The following CD36 variants were observed in gnomAD, a reference collection of about 807,000 sequenced individuals.
CD36 encodes the protein platelet glycoprotein 4.
CD36 carries 119 observed loss-of-function variants against 55.2 expected under a neutral mutation model. The ratio of observed to expected loss-of-function variants is 2.15; its 90% CI spans 1.86 to 2.51. The LOEUF is 2.51. CD36 is among the 30% of genes most tolerant of loss of function. The pLI, the probability that CD36 is intolerant of heterozygous loss-of-function variation, is 0.00. For synonymous variants in CD36, 186 were observed against 193.6 expected (o/e 0.96, Z 0.33); for missense variants, 819 against 555.5 (o/e 1.47, Z -4.77).
In CD36 at chr7:80,679,261, T is replaced by C. The variant is rs1010364955; in HGVS notation, c.*2878T>C. ...AAATATTTGTGAAAATAAAAACTTT[T>C]GTTATTAGAAAAATGATTTTGCTTA... On this transcript the variant is annotated 3_prime_UTR_variant, in exon 15 of 15. Coordinates refer to ENST00000447544, the MANE Select transcript of CD36 (RefSeq NM_001001548.3). 6.6e-6 allele frequency: 1 copy of C among 152,188 alleles called. No individual in the cohort carries two copies. The highest frequency in any genetic ancestry group is 1.5e-5 in the Non-Finnish European group (1 of 68,026). 9.4% of individuals were successfully genotyped at this position (152,188 alleles called of 1,614,324 possible).
rs67213422 is a variant in CD36, at chr7:80,604,350, A to ATTTTTTTTTTTTTT, written c.-184+1998_-184+2011dup. 1.5e-3 allele frequency among the ~76,000 whole-genome samples: 82 copies of ATTTTTTTTTTTTTT among 54,282 alleles called. 13 individuals are homozygous for ATTTTTTTTTTTTTT. The highest frequency in any genetic ancestry group is 1.7e-3 in the Non-Finnish European group (42 of 24,052). The allele number at this position is 54,282 out of a possible 152,430, so 35.6% of individuals were successfully genotyped here. On this transcript the variant is annotated intron_variant, in intron 1 of 13. Coordinates refer to the CD36 transcript ENST00000309881. The stretch of plus-strand genomic sequence containing the variant: ...TACAGTAATTGGCTAAGCCACTGGA[A>ATTTTTTTTTTTTTT]TTTTTTTTTTTTTTTTTTTTTTTTT...
At chr7:80,634,085 T>C (rs1264051686), upstream of CD36, among the ~76,000 whole-genome samples, 6 of 152,050 alleles carry the variant, frequency 3.9e-5, no homozygotes, top group African/African-American at 7.2e-5. Context: ...GAAAAGAGTA[T>C]AGGCCCTTCA....
chr7:80,668,283 A>G (rs535021499), intron 8 of CD36, among the ~76,000 whole-genome samples: 1 of 152,318 alleles, frequency 6.6e-6, no homozygotes, highest in African/African-American at 2.4e-5. Flanking sequence ...ATGCATGAGC[A>G]TCAGGCATGA....
At chr7:80,658,684 C>G (rs1170126489) in intron 4 of CD36, among the ~76,000 whole-genome samples, 2 of 152,022 alleles carry the variant, frequency 1.3e-5, no homozygotes, top group African/African-American at 4.8e-5. Flanking sequence ...GTTTTGTAGA[C>G]AAGGTTTCGC....
intron 5 of CD36, chr7:80,662,647 A>G: frequency 3.0e-6 from 1 of 331,294 alleles, no homozygotes; most frequent in Non-Finnish European, 5.9e-6. Flanking sequence ...ACATAGGTAT[A>G]CATGTGCCAT....
intron 1 of CD36, among the ~76,000 whole-genome samples, chr7:80,610,550 AAT>A (rs993383921): frequency 2.5e-4 from 37 of 148,870 alleles, no homozygotes; most frequent in African/African-American, 9.5e-4. Flanking sequence ...CAGTTATTTT[AAT>A]TTTATTTATT....
chr7:80,623,930 G>C (rs1030500888), intron 1 of CD36: 4 of 152,288 alleles, frequency 2.6e-5, no homozygotes, highest in Non-Finnish European at 4.4e-5. Context: ...TCATTTTTAA[G>C]CTGGAGAGGT....
At chr7:80,627,818 A>C (rs542907119) in intron 1 of CD36, among the ~76,000 whole-genome samples, 19 of 152,218 alleles carry the variant, frequency 1.2e-4, no homozygotes, top group Non-Finnish European at 2.6e-4. Context: ...CACAACTGGT[A>C]CATTGCATCA....
intron 1 of CD36, among the ~76,000 whole-genome samples, chr7:80,628,344 T>A (rs1292563236): frequency 1.3e-5 from 2 of 152,028 alleles, no homozygotes; most frequent in African/African-American, 4.8e-5. Flanking sequence ...TTGCTACTTA[T>A]GAATGAACAG....
intron 4 of CD36, among the ~76,000 whole-genome samples, chr7:80,657,066 A>G (rs536998473): frequency 4.0e-4 from 61 of 152,160 alleles, no homozygotes; most frequent in Non-Finnish European, 8.1e-4. Context: ...CTGCTGAGGA[A>G]AAAAAAATCA....
At chr7:80,639,675 G>T (rs781482949) in intron 1 of CD36, among the ~76,000 whole-genome samples, 5 of 151,880 alleles carry the variant, frequency 3.3e-5, no homozygotes, top group Non-Finnish European at 7.4e-5. Flanking sequence ...TTTTCTGTGT[G>T]GTTTGAAGTC....
intron 7 of CD36, 197 bp from the exon 8 acceptor site, chr7:80,666,246 T>G: frequency 1.9e-6 from 1 of 513,510 alleles, no homozygotes; most frequent in Non-Finnish European, 3.5e-6. Context: ...TCTGGCTACC[T>G]AATGGCATCA....
At chr7:80,654,260 A>G (rs1476266628) in intron 3 of CD36, among the ~76,000 whole-genome samples, 2 of 152,318 alleles carry the variant, frequency 1.3e-5, no homozygotes, top group East Asian at 1.9e-4. Context: ...CTTCAATTCT[A>G]TAAGAGTTTG....
At chr7:80,672,931 G>A in intron 12 of CD36, 88 bp downstream of exon 12, 1 of 857,814 alleles carries the variant, frequency 1.2e-6, no homozygotes, top group Non-Finnish European at 2.0e-6. Context: ...ATGTAAGTAA[G>A]TGGAAATAAC....
Position 80,656,565 on chromosome 7 carries a change from T to C in CD36, c.146T>C (p.Ile49Thr), listed in dbSNP as rs1226326034. 3 of 1,613,702 alleles carry C rather than the reference T, an allele frequency of 1.9e-6. No individual in the cohort carries two copies. In the South Asian group the frequency reaches 3.3e-5, roughly 18 times the overall value. The change falls in exon 4 of 15, where the codon ATT becomes ACT. Residue 49 changes from isoleucine to threonine, a missense_variant. Ile to Thr is a moderately conservative substitution (Grantham distance 89, BLOSUM62 -1). Transcript: ENST00000447544. ...CAAGTTGTCCTCGAAGAAGGTACAA[T>C]TGCTTTTAAAAATTGGGTTAAAACA... ...KKQVVLEEGT[I>T]AFKNWVKTGT...
chr7:80,623,230 T>A (rs1793567884), intron 1 of CD36, among the ~76,000 whole-genome samples: 1 of 152,146 alleles, frequency 6.6e-6, no homozygotes, highest in Non-Finnish European at 1.5e-5. Context: ...CCAGGGTGAC[T>A]GTCCACTTCA....
intron 2 of CD36, 108 bp downstream of exon 2, chr7:80,646,289 G>A: frequency 4.6e-6 from 1 of 215,198 alleles, no homozygotes; most frequent in Admixed American, 5.2e-5. Flanking sequence ...GGTGTGGAAG[G>A]TTGTGTTGGG....
rs1798200319 is a variant in CD36 at position 80,677,556 on chromosome 7, GCTTAAAGCATA to G, written c.*1178_*1188del. ...AAAGATCTTTTGCATCTCTGAAGGT[GCTTAAAGCATA>G]CTTAGTGCCTTTCCTTTTAACTGGG... On this transcript the variant is annotated 3_prime_UTR_variant, in exon 15 of 15. Coordinates refer to ENST00000447544, the MANE Select transcript of CD36 (RefSeq NM_001001548.3). The G allele has an allele frequency of 6.6e-6, 1 of 152,174 alleles. No individual in the cohort carries two copies. Among genetic ancestry groups the G allele is most frequent in the South Asian group, 2.1e-4 (1 of 4,832 alleles). 9.4% of individuals were successfully genotyped at this position (152,174 alleles called of 1,614,324 possible).
intron 3 of CD36, among the ~76,000 whole-genome samples, chr7:80,648,945 C>A (rs1488641424): frequency 6.6e-6 from 1 of 152,002 alleles, no homozygotes; most frequent in Non-Finnish European, 1.5e-5. Context: ...GGATTAACAG[C>A]AGAAAAGATT....
Sources: allele counts gnomAD v4.1 joint callset (sites outside exome capture counted in the v4.1 genomes callset), GRCh38; gene constraint gnomAD v4.1.1; transcripts MANE v1.5; gene names NCBI Gene and HGNC (gene_info 2026-07-23, HGNC 2026-07-21).